Variants in MAB21L3 observed in about 807,000 individuals in gnomAD.
The protein encoded by MAB21L3 is mab-21 like 3, also known as protein mab-21-like 3.
MAB21L3 carries 36 observed loss-of-function variants against 37.7 expected under a neutral mutation model. The ratio of observed to expected loss-of-function variants is 0.96; its 90% CI spans 0.73 to 1.26. MAB21L3 has a LOEUF of 1.26. Ranked by LOEUF, MAB21L3 falls within the 50% of genes most tolerant of loss-of-function variation. MAB21L3 has a pLI of 0.00. For missense variants in MAB21L3, 430 were observed against 447.3 expected, an observed-to-expected ratio of 0.96 and a Z score of 0.35; for synonymous variants, 186 against 176.8, an observed-to-expected ratio of 1.05 and a Z score of -0.41.
At position 116,133,836 on chromosome 1, in the gene MAB21L3, A is replaced by G. The variant is rs529262677; in HGVS notation, c.*471A>G. ...TACCTCTGAGCAGGGCTGTGTGCCT[A>G]TGAAACTGTGCTGGCGCCTTTTCAA... On this transcript the variant is annotated 3_prime_UTR_variant, in exon 8 of 8. Coordinates refer to ENST00000369500, the MANE Select transcript of MAB21L3 (RefSeq NM_152367.3). 1.2e-4 allele frequency: 23 copies of G among 185,540 alleles called. No homozygotes were observed. The East Asian group carries it at 3.1e-3, about 25-fold the overall frequency. The allele number at this position is 185,540 out of a possible 1,614,324, so 11.5% of individuals were successfully genotyped here. A position where few individuals can be genotyped will look rare whatever the true frequency, so the allele number is the denominator to read the frequency against.
chr1:116,117,158 C>T lies in MAB21L3; in HGVS notation c.49-3774C>T, dbSNP rs1039056547. Reference sequence around the variant, plus strand: ...TTATTAACTCAGGAATCAAAATATACATACATATATATATATATATATATA... The same window carrying T: ...TTATTAACTCAGGAATCAAAATATATATACATATATATATATATATATATA... On this transcript the variant is annotated intron_variant, in intron 3 of 7. Transcript: ENST00000369500. Among the ~76,000 whole-genome samples, 2 of 86,068 alleles carry T rather than the reference C, an allele frequency of 2.3e-5. 1 individual carries two copies. The highest frequency in any genetic ancestry group is 4.2e-5 in the Non-Finnish European group (2 of 47,090). 56.5% of individuals were successfully genotyped at this position (86,068 alleles called of 152,430 possible).
At chr1:116,112,811 G>A in intron 3 of MAB21L3, 148 bp downstream of exon 3, 2 of 769,668 alleles carry the variant, frequency 2.6e-6, no homozygotes, top group East Asian at 2.7e-5. Context: ...ACAATGTTTG[G>A]GGGCTTAACA....
chr1:116,123,366 G>C (rs904502557), intron 4 of MAB21L3, among the ~76,000 whole-genome samples: 1 of 152,028 alleles, frequency 6.6e-6, no homozygotes, highest in African/African-American at 2.4e-5. Context: ...ATTTTGGAAG[G>C]GTTAGTCATG....
chr1:116,113,802 T>G (rs989931855), intron 3 of MAB21L3, among the ~76,000 whole-genome samples: 2 of 152,212 alleles, frequency 1.3e-5, no homozygotes, highest in East Asian at 3.8e-4. Context: ...GGAAACTGTG[T>G]GCTGGGGCTG....
At position 116,112,242 on chromosome 1, in the gene MAB21L3, C is replaced by A. The variant is rs536593444; in HGVS notation, c.-209-165C>A. Among the ~76,000 whole-genome samples, 9 of 152,080 alleles carry A rather than the reference C, an allele frequency of 5.9e-5. No homozygotes were observed. In the South Asian group the frequency reaches 1.7e-3, roughly 28 times the overall value. On this transcript the variant is annotated intron_variant, in intron 2 of 7. Coordinates refer to ENST00000369500, the MANE Select transcript of MAB21L3 (RefSeq NM_152367.3). ...GAAGCCAACTACAGGGTATTTCTGA[C>A]TTGGATGGAACTTTTAAGTACTTGG... is the stretch of plus-strand genomic sequence containing the variant.
intron 6 of MAB21L3, 117 bp from the exon 7 acceptor site, chr1:116,128,028 G>A: frequency 9.3e-7 from 1 of 1,074,534 alleles, no homozygotes; most frequent in Non-Finnish European, 1.3e-6. Context: ...TCCCCACGTA[G>A]GATGTGCTGT....
At chr1:116,129,276 C>T (rs963203346) in intron 7 of MAB21L3, among the ~76,000 whole-genome samples, 7 of 152,216 alleles carry the variant, frequency 4.6e-5, no homozygotes, top group East Asian at 3.9e-4. Flanking sequence ...ACCACCCTCC[C>T]GACTCCCTCT....
rs548011858 is a variant in MAB21L3, at chr1:116,132,940, A to T, written c.856-192A>T. ...GGAGAGTGAGGGAATAGATTAGGGA[A>T]GAGGTGCGGGAGACCAGCTGGTAAA... On this transcript the variant is annotated intron_variant, in intron 7 of 7. Transcript: ENST00000369500. Among the ~76,000 whole-genome samples the T allele has an allele frequency of 1.7e-3, 264 of 152,268 alleles. 3 individuals carry two copies. Among genetic ancestry groups the T allele is most frequent in the African/African-American group, 6.1e-3 (255 of 41,550 alleles).
chr1:116,134,472 A>G lies in MAB21L3; in HGVS notation c.*1107A>G, dbSNP rs1041265159. 1 of 152,276 alleles carries G rather than the reference A, an allele frequency of 6.6e-6. No individual in the cohort carries two copies. Among genetic ancestry groups the G allele is most frequent in the Non-Finnish European group, 1.5e-5 (1 of 68,052 alleles). The allele number at this position is 152,276 out of a possible 1,614,324, so 9.4% of individuals were successfully genotyped here. On this transcript the variant is annotated 3_prime_UTR_variant, in exon 8 of 8. Coordinates refer to ENST00000369500, the MANE Select transcript of MAB21L3 (RefSeq NM_152367.3). ...TAAACAGAATGTTGAAGTAGAGTCC[A>G]CAGAAAGGTCCCCGAAGGATGAAAA...
chr1:116,121,953 G>A (rs1442236419), intron 4 of MAB21L3, among the ~76,000 whole-genome samples: 3 of 152,074 alleles, frequency 2.0e-5, no homozygotes, highest in Non-Finnish European at 4.4e-5. Flanking sequence ...CTTTCACTTT[G>A]TATTAAATTT....
chr1:116,117,975 T>C (rs1195910895), intron 3 of MAB21L3, among the ~76,000 whole-genome samples: 2 of 152,208 alleles, frequency 1.3e-5, no homozygotes, highest in Non-Finnish European at 2.9e-5. Context: ...CTGCTACCTC[T>C]TCTTTCACCA....
chr1:116,114,108 T>C (rs1409156795), intron 3 of MAB21L3, among the ~76,000 whole-genome samples: 1 of 152,220 alleles, frequency 6.6e-6, no homozygotes, highest in East Asian at 1.9e-4. Flanking sequence ...TTCACTCCCG[T>C]TATAATTAGT....
At chr1:116,119,677 T>C (rs1659688789) in intron 3 of MAB21L3, among the ~76,000 whole-genome samples, 1 of 152,166 alleles carries the variant, frequency 6.6e-6, no homozygotes, top group South Asian at 2.1e-4. Flanking sequence ...TGACAGCAGC[T>C]TGTAGGTGCC....
In MAB21L3 at chr1:116,133,210, G is replaced by C; in HGVS notation, c.934G>C (p.Val312Leu). ...CTTCAGCAAAGCATTTCTGCGCCTG[G>C]TGAGGAAACTGCACAAGTGCGTGAG... Reference protein sequence around the residue: ...QVFSKAFLRLVRKLHKCVSQH... With the variant: ...QVFSKAFLRLLRKLHKCVSQH... The change falls in exon 8 of 8, where the codon GTG becomes CTG. Residue 312 changes from valine to leucine, a missense_variant. Val to Leu is a conservative substitution (Grantham distance 32). Coordinates refer to ENST00000369500, the MANE Select transcript of MAB21L3 (RefSeq NM_152367.3). The C allele has an allele frequency of 6.2e-7, 1 of 1,614,156 alleles. No homozygotes were observed. Among genetic ancestry groups the C allele is most frequent in the Non-Finnish European group, 8.5e-7 (1 of 1,180,036 alleles).
Position 116,128,330 on chromosome 1 carries a change from C to T in MAB21L3, c.846C>T (p.His282=), listed in dbSNP as rs1310950566. 6.2e-7 allele frequency: 1 copy of T among 1,611,466 alleles called. No individual in the cohort carries two copies. Among genetic ancestry groups the T allele is most frequent in the South Asian group, 1.1e-5 (1 of 90,710 alleles). Residue 282 remains histidine (H), a synonymous_variant, in exon 7 of 8, where the codon CAC becomes CAT. Coordinates refer to ENST00000369500, the MANE Select transcript of MAB21L3 (RefSeq NM_152367.3). ...GGAACAGGCCGGTTATCACGTCCCA[C>T]CATCTGCAGGTGAGTGTGGGGCAGG... is the stretch of plus-strand genomic sequence containing the variant. ...CPGNRPVITS[H]HLQTVLFWTC...
intron 3 of MAB21L3, among the ~76,000 whole-genome samples, chr1:116,113,004 A>G (rs900768356): frequency 1.6e-4 from 25 of 152,298 alleles, no homozygotes; most frequent in African/African-American, 6.0e-4. Context: ...AATGGGAATA[A>G]TAATAGGAGC....
rs375315631 is a variant in MAB21L3 at position 116,118,191 on chromosome 1, A to G, written c.49-2741A>G. 1.8e-3 allele frequency among the ~76,000 whole-genome samples: 275 copies of G among 152,116 alleles called. 1 individual carries two copies. The highest frequency in any genetic ancestry group is 6.8e-3 in the Middle Eastern group (2 of 294). ...GAGGTCAGGAGATTGACACCATCCT[A>G]GCTAACATGGTGAAACCCCGTCTCT... On this transcript the variant is annotated intron_variant, in intron 3 of 7. Transcript: ENST00000369500.
rs1217722222 is a variant in MAB21L3, at chr1:116,135,394, C to A, written c.*2029C>A. On this transcript the variant is annotated 3_prime_UTR_variant, in exon 8 of 8. Coordinates refer to ENST00000369500, the MANE Select transcript of MAB21L3 (RefSeq NM_152367.3). ...AAAATCTAGAAGAAATGGATAAATT[C>A]CTCAACACATACACTCTCCCAAGAC... Among the ~76,000 whole-genome samples the A allele has an allele frequency of 2.0e-5, 3 of 152,074 alleles. No individual in the cohort carries two copies. The highest frequency in any genetic ancestry group is 2.9e-5 in the Non-Finnish European group (2 of 68,024).
At chr1:116,121,786 G>T (rs149960464) in intron 4 of MAB21L3, among the ~76,000 whole-genome samples, 7 of 152,334 alleles carry the variant, frequency 4.6e-5, no homozygotes, top group African/African-American at 7.2e-5. Context: ...AGTGAGGGCA[G>T]AGCTGTACAC....
Sources: gnomAD v4.1 joint callset for allele counts (sites outside exome capture counted in the v4.1 genomes callset) on GRCh38, gnomAD v4.1.1 for gene constraint, MANE v1.5 for transcripts, NCBI Gene and HGNC (gene_info 2026-07-23, HGNC 2026-07-21) for gene names.